Variants in NGEF observed in about 807,000 individuals in gnomAD.
NGEF encodes ephexin-1.
Under a neutral mutation model 80.9 loss-of-function variants are expected in NGEF, and 31 were observed. The observed-to-expected ratio is 0.38, with a 90% confidence interval of 0.29 to 0.52. The LOEUF (loss-of-function observed/expected upper bound fraction) is 0.52, where lower values mean the gene tolerates loss of function less well. Among genes scored for constraint, NGEF ranks in the 20% least tolerant of loss-of-function variants. The pLI is 0.84. For synonymous variants in NGEF, 371 were observed against 370.2 expected, an observed-to-expected ratio of 1.00 and a Z score of -0.03; for missense variants, 709 against 926.2, an observed-to-expected ratio of 0.77 and a Z score of 3.04.
intron 3 of NGEF, chr2:232,928,179 C>T: frequency 1.0e-6 from 1 of 977,388 alleles, no homozygotes; most frequent in Non-Finnish European, 1.2e-6. Flanking sequence ...CGCCTGGAGG[C>T]TCCCGGGGTT....
At chr2:232,938,073 A>G (rs955892549) in intron 3 of NGEF, among the ~76,000 whole-genome samples, 1 of 152,330 alleles carries the variant, frequency 6.6e-6, no homozygotes. Context: ...AAGAGATGGT[A>G]GCACTGCATG....
At chr2:232,937,228 A>G (rs1382762968) in intron 3 of NGEF, among the ~76,000 whole-genome samples, 1 of 152,116 alleles carries the variant, frequency 6.6e-6, no homozygotes, top group Non-Finnish European at 1.5e-5. Flanking sequence ...TCGGTCTCTC[A>G]AAGTGCTGGG....
At chr2:232,880,700 T>TG (rs1691470302) in intron 14 of NGEF, among the ~76,000 whole-genome samples, 1 of 151,886 alleles carries the variant, frequency 6.6e-6, no homozygotes, top group African/African-American at 2.4e-5. Context: ...GGCCAGGAGC[T>TG]GGGGGCGGCT....
chr2:232,995,095 AT>A (rs1694757089), intron 1 of NGEF, among the ~76,000 whole-genome samples: 3 of 7,104 alleles, frequency 4.2e-4, no homozygotes, highest in Non-Finnish European at 1.3e-3. Context: ...CAGTATGTAT[AT>A]GTGTACAGTA....
chr2:232,986,272 T>C (rs978070008), intron 1 of NGEF, among the ~76,000 whole-genome samples: 1 of 152,190 alleles, frequency 6.6e-6, no homozygotes, highest in African/African-American at 2.4e-5. Context: ...GGAACGTAAA[T>C]TGGAACAGCT....
chr2:232,978,715 T>G (rs1694347665), intron 1 of NGEF, among the ~76,000 whole-genome samples: 3 of 152,002 alleles, frequency 2.0e-5, no homozygotes, highest in Admixed American at 2.0e-4. Flanking sequence ...ATTAGAGTCT[T>G]GGTTTGCCCT....
chr2:232,950,257 TG>T (rs1184461753), intron 3 of NGEF, among the ~76,000 whole-genome samples: 1 of 152,252 alleles, frequency 6.6e-6, no homozygotes, highest in African/African-American at 2.4e-5. Flanking sequence ...TGAGTTTTGC[TG>T]GTTTTAATTT....
At chr2:232,913,526 G>T (rs973773858) in intron 5 of NGEF, among the ~76,000 whole-genome samples, 1 of 152,196 alleles carries the variant, frequency 6.6e-6, no homozygotes. Context: ...CCTTACAGAT[G>T]TTATGTCTCC....
At chr2:232,893,474 A>G (rs1467318983) in intron 6 of NGEF, among the ~76,000 whole-genome samples, 3 of 152,208 alleles carry the variant, frequency 2.0e-5, no homozygotes, top group African/African-American at 7.2e-5. Context: ...AATACATAAG[A>G]CAGAAGTGCC....
rs1015515941 is a variant in NGEF, at chr2:232,960,692, A to C, written c.383+9522T>G. ...TCAGAAGTTTGAGACCAGCCTGGCC[A>C]ACATGGTGAAACCCCATCTCTACTA... On this transcript the variant is annotated intron_variant, in intron 3 of 14. Coordinates refer to ENST00000264051, the MANE Select transcript of NGEF (RefSeq NM_019850.3). 2.0e-5 allele frequency among the ~76,000 whole-genome samples: 3 copies of C among 152,192 alleles called. No individual in the cohort carries two copies. In the East Asian group the frequency reaches 5.8e-4, roughly 29 times the overall value.
intron 6 of NGEF, among the ~76,000 whole-genome samples, chr2:232,893,466 T>A (rs1170352995): frequency 1.3e-5 from 2 of 152,170 alleles, no homozygotes; most frequent in African/African-American, 4.8e-5. Flanking sequence ...AAAATACAAA[T>A]ACATAAGACA....
At chr2:232,977,487 A>G (rs1694319834) in intron 1 of NGEF, among the ~76,000 whole-genome samples, 1 of 152,164 alleles carries the variant, frequency 6.6e-6, no homozygotes, top group South Asian at 2.1e-4. Context: ...TTTAGAGTTC[A>G]GTGAGGCCTG....
At chr2:232,996,378 A>G (rs888035270) in intron 1 of NGEF, among the ~76,000 whole-genome samples, 3 of 152,132 alleles carry the variant, frequency 2.0e-5, no homozygotes, top group African/African-American at 7.2e-5. Flanking sequence ...CAACCGACCA[A>G]TTGCTGGGAA....
chr2:232,933,346 C>G (rs1693258105), intron 3 of NGEF, among the ~76,000 whole-genome samples: 1 of 152,078 alleles, frequency 6.6e-6, no homozygotes, highest in African/African-American at 2.4e-5. Context: ...TCTCCAGCAG[C>G]AAACCAGGAG....
intron 5 of NGEF, among the ~76,000 whole-genome samples, chr2:232,898,394 C>A (rs1300672879): frequency 1.3e-5 from 2 of 152,188 alleles, no homozygotes; most frequent in Non-Finnish European, 2.9e-5. Context: ...GCAGGTAGGG[C>A]CTTTCAGCTG....
At chr2:232,913,188 G>C (rs974207628) in intron 5 of NGEF, among the ~76,000 whole-genome samples, 1 of 152,114 alleles carries the variant, frequency 6.6e-6, no homozygotes, top group Non-Finnish European at 1.5e-5. Context: ...GGTATGCTGC[G>C]GATTCATTTT....
intron 1 of NGEF, among the ~76,000 whole-genome samples, chr2:233,001,135 G>A (rs1445083968): frequency 6.6e-6 from 1 of 152,152 alleles, no homozygotes; most frequent in Non-Finnish European, 1.5e-5. Flanking sequence ...CTTTGGCCCA[G>A]GAGGAATCAA....
chr2:232,891,490 G>T lies in NGEF; in HGVS notation c.1143-3C>A. The T allele has an allele frequency of 2.5e-6, 4 of 1,612,010 alleles. No individual in the cohort carries two copies. Among genetic ancestry groups the T allele is most frequent in the Non-Finnish European group, 3.4e-6 (4 of 1,179,406 alleles). On this transcript the variant is annotated splice_region_variant and splice_polypyrimidine_tract_variant and intron_variant, in intron 7 of 14. Transcript: ENST00000264051. ...CCCGGAAAGCTGCCTTCTCCTGGCT[G>T]GGGACACAGACAGGTGGAGTAGGTC...
chr2:232,959,219 G>C (rs1693895040), intron 3 of NGEF, among the ~76,000 whole-genome samples: 2 of 152,100 alleles, frequency 1.3e-5, no homozygotes. Flanking sequence ...CATTTATCCT[G>C]TTTGGATTTT....
Sources: gnomAD v4.1 joint callset for allele counts (sites outside exome capture counted in the v4.1 genomes callset) on GRCh38, gnomAD v4.1.1 for gene constraint, MANE v1.5 for transcripts, NCBI Gene and HGNC (gene_info 2026-07-23, HGNC 2026-07-21) for gene names.